Variants in PRDM11 observed in about 807,000 individuals in gnomAD.
PRDM11 encodes the protein PR/SET domain 11, also known as PR domain-containing protein 11.
A neutral mutation model predicts 97.8 loss-of-function variants in PRDM11; 20 were observed. The observed-to-expected ratio is 0.20, with a 90% CI of 0.14 to 0.30. The LOEUF (loss-of-function observed/expected upper bound fraction) is 0.30. Among genes scored for constraint, PRDM11 ranks in the 10% least tolerant of loss-of-function variants. The pLI is 1.00. For synonymous variants in PRDM11, 599 were observed against 637.7 expected (o/e 0.94, Z 0.91); for missense variants, 1,139 against 1,555.2 (o/e 0.73, Z 4.50).
At chr11:45,120,432 C>A (rs1454328136) in intron 1 of PRDM11, among the ~76,000 whole-genome samples, 1 of 151,930 alleles carries the variant, frequency 6.6e-6, no homozygotes, top group Admixed American at 6.6e-5. Context: ...TAATAAACTG[C>A]TGAAAGACAA....
intron 1 of PRDM11, among the ~76,000 whole-genome samples, chr11:45,139,208 C>T (rs1478571605): frequency 6.6e-6 from 1 of 152,178 alleles, no homozygotes; most frequent in African/African-American, 2.4e-5. Context: ...CAGGCTCATA[C>T]AAAATCAATG....
rs186092128 is a variant in PRDM11 at position 45,111,076 on chromosome 11, G to A, written c.96+15175G>A. Among the ~76,000 whole-genome samples the A allele has an allele frequency of 1.5e-3, 233 of 151,974 alleles. 1 individual carries two copies. The highest frequency in any genetic ancestry group is 1.9e-3 in the Non-Finnish European group (131 of 68,000). On this transcript the variant is annotated intron_variant, in intron 1 of 6. Transcript: ENST00000530656. ...ATCTCACCAGCTCTCTGGGACAGGC[G>A]ACCACTTGCAACTCTGGGAGGTGTC...
intron 1 of PRDM11, among the ~76,000 whole-genome samples, chr11:45,104,925 G>T (rs76496992): frequency 6.6e-6 from 1 of 152,198 alleles, no homozygotes. Context: ...CTGGACAGGG[G>T]TCATGTAATT....
Position 45,182,188 on chromosome 11 carries a change from T to G in PRDM11, c.120-58T>G. 36 of 1,503,036 alleles carry G rather than the reference T, an allele frequency of 2.4e-5. No individual in the cohort carries two copies. In the South Asian group the frequency reaches 3.8e-4, roughly 16 times the overall value. The allele number at this position is 1,503,036 out of a possible 1,614,324, so 93.1% of individuals were successfully genotyped here. On this transcript the variant is annotated intron_variant, in intron 2 of 7. Coordinates refer to ENST00000683152, the MANE Select transcript of PRDM11 (RefSeq NM_001384648.1). ...CCAGGTCCCCAGCTTTTGTCCCCAC[T>G]GGGCTCTCACTCTCTGATGACTTCT...
At chr11:45,129,102 T>C (rs776963731) in intron 1 of PRDM11, among the ~76,000 whole-genome samples, 12 of 152,094 alleles carry the variant, frequency 7.9e-5, no homozygotes, top group Non-Finnish European at 1.5e-4. Context: ...ATTTGACAAA[T>C]TCAACACTTT....
In PRDM11 at chr11:45,196,128, C is replaced by T. The variant is rs570629274; in HGVS notation, c.487-8583C>T. 2.6e-5 allele frequency among the ~76,000 whole-genome samples: 4 copies of T among 152,304 alleles called. No homozygotes were observed. In the East Asian group the frequency reaches 7.7e-4, roughly 29 times the overall value. On this transcript the variant is annotated intron_variant, in intron 4 of 7. Coordinates refer to ENST00000683152, the MANE Select transcript of PRDM11 (RefSeq NM_001384648.1). Reference sequence around the variant, plus strand: ...CAGCTGATCAATTTTGCTTTCCCACCAGTTGTATATGAGGGCTCTGATTTC... The same window carrying T: ...CAGCTGATCAATTTTGCTTTCCCACTAGTTGTATATGAGGGCTCTGATTTC...
At chr11:45,153,967 A>G (rs1018653734) in intron 1 of PRDM11, among the ~76,000 whole-genome samples, 9 of 152,154 alleles carry the variant, frequency 5.9e-5, no homozygotes, top group African/African-American at 1.4e-4. Context: ...CATTTTTCCA[A>G]TCTTCTTAAG....
At chr11:45,166,431 C>A (rs192060094) in intron 1 of PRDM11, among the ~76,000 whole-genome samples, 32 of 152,372 alleles carry the variant, frequency 2.1e-4, no homozygotes, top group Non-Finnish European at 2.9e-4. Context: ...TCTCTTGCAC[C>A]AATCACTGTG....
intron 7 of PRDM11, among the ~76,000 whole-genome samples, chr11:45,225,561 T>C (rs1413238731): frequency 6.6e-6 from 1 of 152,228 alleles, no homozygotes; most frequent in African/African-American, 2.4e-5. Flanking sequence ...TGAAATCACT[T>C]GGGGCCATAT....
chr11:45,138,700 C>G (rs1852929985), intron 1 of PRDM11, among the ~76,000 whole-genome samples: 1 of 152,168 alleles, frequency 6.6e-6, no homozygotes, highest in Non-Finnish European at 1.5e-5. Context: ...ATGCTATACT[C>G]TACACCAAAG....
chr11:45,179,580 G>A (rs776116363), intron 1 of PRDM11, among the ~76,000 whole-genome samples: 1 of 152,184 alleles, frequency 6.6e-6, no homozygotes, highest in Non-Finnish European at 1.5e-5. Context: ...GGTTCCTGGT[G>A]GTGGCACTCC....
At chr11:45,135,192 G>A (rs1031209109) in intron 1 of PRDM11, among the ~76,000 whole-genome samples, 12 of 152,130 alleles carry the variant, frequency 7.9e-5, no homozygotes, top group African/African-American at 2.9e-4. Context: ...AGAATGTAAT[G>A]AGATTATCAG....
At chr11:45,190,815 G>C (rs1303347432) in intron 4 of PRDM11, among the ~76,000 whole-genome samples, 2 of 151,846 alleles carry the variant, frequency 1.3e-5, no homozygotes, top group Non-Finnish European at 2.9e-5. Context: ...TAATTTTTTA[G>C]TCATTAAAAA....
At chr11:45,124,679 G>C (rs1852523296) in intron 1 of PRDM11, among the ~76,000 whole-genome samples, 1 of 152,168 alleles carries the variant, frequency 6.6e-6, no homozygotes, top group East Asian at 1.9e-4. Flanking sequence ...TTGCATCCCA[G>C]GGATGAAGCC....
intron 1 of PRDM11, 68 bp from the exon 2 acceptor site, chr11:45,181,693 G>T (rs754706044): frequency 2.9e-6 from 4 of 1,380,260 alleles, no homozygotes; most frequent in Admixed American, 3.5e-5. Flanking sequence ...TGCCCTCTCC[G>T]CCGCTCACTC....
chr11:45,098,048 A>G (rs1590334276), intron 1 of PRDM11, among the ~76,000 whole-genome samples: 1 of 152,212 alleles, frequency 6.6e-6, no homozygotes, highest in African/African-American at 2.4e-5. Context: ...ACCATCTCAG[A>G]AGGAGGAATT....
chr11:45,212,754 AGTTCTG>A (rs1174682507), intron 5 of PRDM11: 1 of 456,452 alleles, frequency 2.2e-6, no homozygotes, highest in Non-Finnish European at 4.4e-6. Flanking sequence ...GTGTTCCGGC[AGTTCTG>A]CCAGGAGCTG....
At chr11:45,153,797 C>T (rs1057127860) in intron 1 of PRDM11, among the ~76,000 whole-genome samples, 3 of 152,166 alleles carry the variant, frequency 2.0e-5, no homozygotes, top group Non-Finnish European at 2.9e-5. Context: ...GTTTAAGGTG[C>T]TGTTATCTCT....
chr11:45,181,838 GACGGAGGTCTGCTCACC>G lies in PRDM11; in HGVS notation c.75_91del (p.Glu26ProfsTer11), dbSNP rs1852515715. ...TGGGGGATATGGTGACGGTGGTGAA[GACGGAGGTCTGCTCACC>G]ACTCCGAGACCAGGAGTATGGCCAG... is the stretch of plus-strand genomic sequence containing the variant. On this transcript the variant is annotated frameshift_variant, in exon 2 of 8. Transcript: ENST00000683152. LOFTEE classifies it high-confidence loss of function. 2 of 1,613,470 alleles carry G rather than the reference GACGGAGGTCTGCTCACC, an allele frequency of 1.2e-6. No individual in the cohort carries two copies. The highest frequency in any genetic ancestry group is 1.7e-6 in the Non-Finnish European group (2 of 1,179,966).
Sources: allele counts gnomAD v4.1 joint callset (sites outside exome capture counted in the v4.1 genomes callset), GRCh38; gene constraint gnomAD v4.1.1; transcripts MANE v1.5; gene names NCBI Gene and HGNC (gene_info 2026-07-23, HGNC 2026-07-21).